TM9SF4: variants seen among roughly 807,000 people sequenced by gnomAD.
TM9SF4 encodes transmembrane 9 superfamily member 4.
Under a neutral mutation model 90.4 loss-of-function variants are expected in TM9SF4, and 26 were observed. The observed-to-expected ratio is 0.29, with a 90% CI of 0.21 to 0.40. TM9SF4 has a LOEUF of 0.40. Ranked by LOEUF, TM9SF4 falls within the 10% of genes least tolerant of loss-of-function variation. The pLI is 1.00. For synonymous variants in TM9SF4, 293 were observed against 315.4 expected, an observed-to-expected ratio of 0.93 and a Z score of 0.75; for missense variants, 549 against 834.8, an observed-to-expected ratio of 0.66 and a Z score of 4.22.
intron 10 of TM9SF4, among the ~76,000 whole-genome samples, chr20:32,150,345 C>T (rs1012232584): frequency 6.6e-6 from 1 of 152,242 alleles, no homozygotes; most frequent in African/African-American, 2.4e-5. Flanking sequence ...GCACCTGACT[C>T]ACTGCAAGTG....
chr20:32,149,532 G>A lies in TM9SF4; in HGVS notation c.955-102G>A, dbSNP rs1314749518. On this transcript the variant is annotated intron_variant, in intron 9 of 17. Coordinates refer to ENST00000398022, the MANE Select transcript of TM9SF4 (RefSeq NM_014742.4). Reference sequence around the variant, plus strand: ...ACTTACACTCCTGTGTCAGAGCAGCGCTGGTTGGCACCTGAGGGTGTCAGC... The same window carrying A: ...ACTTACACTCCTGTGTCAGAGCAGCACTGGTTGGCACCTGAGGGTGTCAGC... The A allele has an allele frequency of 5.4e-6, 8 of 1,490,218 alleles. No individual in the cohort carries two copies. In the East Asian group the frequency reaches 7.0e-5, roughly 13 times the overall value. The allele number at this position is 1,490,218 out of a possible 1,614,324, so 92.3% of individuals were successfully genotyped here. A position where few individuals can be genotyped will look rare whatever the true frequency, so the allele number is the denominator to read the frequency against.
chr20:32,128,322 G>A (rs980669564), intron 1 of TM9SF4, among the ~76,000 whole-genome samples: 13 of 152,198 alleles, frequency 8.5e-5, no homozygotes, highest in African/African-American at 3.1e-4. Flanking sequence ...CCTAAGCAGT[G>A]GTTTTTGACC....
intron 12 of TM9SF4, among the ~76,000 whole-genome samples, chr20:32,153,056 G>A (rs2046866570): frequency 1.3e-5 from 2 of 152,202 alleles, no homozygotes; most frequent in Non-Finnish European, 2.9e-5. Context: ...GAGGATTTCA[G>A]ATGAAGGGAC....
chr20:32,109,892 G>A, intron 1 of TM9SF4, 137 bp downstream of exon 1: 1 of 1,494,314 alleles, frequency 6.7e-7, no homozygotes, highest in Non-Finnish European at 8.9e-7. Flanking sequence ...CTCTGACTGG[G>A]CTTGTCTTCC....
chr20:32,150,958 T>C, intron 12 of TM9SF4, 83 bp downstream of exon 12: 1 of 1,537,492 alleles, frequency 6.5e-7, no homozygotes, highest in Non-Finnish European at 8.9e-7. Flanking sequence ...AGGCAGGTCC[T>C]GGTGGGGATT....
chr20:32,129,492 CAAAAAA>C (rs2046478771), intron 1 of TM9SF4, among the ~76,000 whole-genome samples: 1 of 149,848 alleles, frequency 6.7e-6, no homozygotes, highest in East Asian at 2.0e-4. Context: ...GACCCTGTCT[CAAAAAA>C]AGAAAAACAT....
At chr20:32,119,623 CTT>C (rs1040915548) in intron 1 of TM9SF4, among the ~76,000 whole-genome samples, 2 of 151,944 alleles carry the variant, frequency 1.3e-5, no homozygotes, top group African/African-American at 4.8e-5. Flanking sequence ...TTTGGCCCAT[CTT>C]TTCATTTTCT....
chr20:32,141,946 C>G, intron 5 of TM9SF4, 51 bp downstream of exon 5: 1 of 1,608,686 alleles, frequency 6.2e-7, no homozygotes, highest in Non-Finnish European at 8.5e-7. Flanking sequence ...CCTCACGAGT[C>G]CTGAGCACTT....
intron 13 of TM9SF4, among the ~76,000 whole-genome samples, chr20:32,157,344 T>G (rs1433718865): frequency 6.6e-6 from 1 of 152,244 alleles, no homozygotes; most frequent in Non-Finnish European, 1.5e-5. Context: ...TTTATTAAAA[T>G]GGAATCCTTC....
intron 1 of TM9SF4, among the ~76,000 whole-genome samples, chr20:32,127,352 C>T (rs1408284407): frequency 2.0e-5 from 3 of 152,136 alleles, no homozygotes; most frequent in East Asian, 3.9e-4. Flanking sequence ...ATCCTTGTTC[C>T]TCCACTTTCT....
chr20:32,117,159 G>A (rs952324432), intron 1 of TM9SF4, among the ~76,000 whole-genome samples: 4 of 147,512 alleles, frequency 2.7e-5, no homozygotes, highest in African/African-American at 1.0e-4. Flanking sequence ...AGGAGGCGGA[G>A]GTTGCAGTGA....
At chr20:32,157,231 G>C (rs2046938868) in intron 13 of TM9SF4, among the ~76,000 whole-genome samples, 1 of 152,136 alleles carries the variant, frequency 6.6e-6, no homozygotes, top group African/African-American at 2.4e-5. Context: ...GGTATTACAG[G>C]CATGAGCCAC....
At chr20:32,141,216 C>CAAAG (rs1569080288) in intron 3 of TM9SF4, among the ~76,000 whole-genome samples, 3 of 26,014 alleles carry the variant, frequency 1.2e-4, no homozygotes, top group Non-Finnish European at 1.5e-4. Context: ...GACTCCATCT[C>CAAAG]AAAAAAAAAA....
chr20:32,115,155 G>A (rs1388796010), intron 1 of TM9SF4, among the ~76,000 whole-genome samples: 1 of 152,194 alleles, frequency 6.6e-6, no homozygotes, highest in African/African-American at 2.4e-5. Context: ...CTGAGGTGCT[G>A]ACATCGGGCC....
At chr20:32,144,332 A>C (rs1008663957) in intron 6 of TM9SF4, among the ~76,000 whole-genome samples, 3 of 152,194 alleles carry the variant, frequency 2.0e-5, no homozygotes, top group African/African-American at 7.2e-5. Flanking sequence ...GATGGATAAC[A>C]GGATGAACAG....
intron 8 of TM9SF4, among the ~76,000 whole-genome samples, chr20:32,146,163 C>G (rs2046759375): frequency 6.6e-6 from 1 of 152,194 alleles, no homozygotes; most frequent in Non-Finnish European, 1.5e-5. Context: ...TCCCTGAAGC[C>G]CTGTGAACTA....
chr20:32,149,584 G>A (rs1310461414), intron 9 of TM9SF4, 50 bp from the exon 10 acceptor site: 1 of 1,613,880 alleles, frequency 6.2e-7, no homozygotes, highest in South Asian at 1.1e-5. Context: ...GTCCCTGCAA[G>A]AGCTGCCTCC....
At chr20:32,139,083 G>T (rs1037638809) in intron 3 of TM9SF4, among the ~76,000 whole-genome samples, 1 of 152,188 alleles carries the variant, frequency 6.6e-6, no homozygotes, top group Non-Finnish European at 1.5e-5. Context: ...CTTCATCCAT[G>T]CCCTTCCTCA....
Position 32,145,184 on chromosome 20 carries a change from A to G in TM9SF4, c.746A>G (p.Tyr249Cys), listed in dbSNP as rs1338607098. ...EIDPTKENQL[Y>C]FTYSVHWEES... ...GACCCCACCAAGGAGAATCAGCTGT[A>G]CTTCACCTACTCTGTCCACTGGGAG... is the stretch of plus-strand genomic sequence containing the variant. Residue 249 changes from tyrosine to cysteine, a missense_variant, in exon 7 of 18, where the codon TAC (tyrosine) becomes TGC (cysteine). By Grantham distance (194) the Tyr-to-Cys change is radical. Transcript: ENST00000398022. The G allele has an allele frequency of 6.2e-7, 1 of 1,614,182 alleles. No homozygotes were observed.
Sources: gnomAD v4.1 joint callset for allele counts (sites outside exome capture counted in the v4.1 genomes callset) on GRCh38, gnomAD v4.1.1 for gene constraint, MANE v1.5 for transcripts, NCBI Gene and HGNC (gene_info 2026-07-23, HGNC 2026-07-21) for gene names.